The following NMNAT3 variants were observed in gnomAD, a reference collection of about 807,000 sequenced individuals.
NMNAT3 encodes the protein nicotinamide/nicotinic acid mononucleotide adenylyltransferase 3.
NMNAT3 carries 21 observed loss-of-function variants against 24.8 expected under a neutral mutation model. That is an observed-to-expected ratio of 0.85 (90% CI 0.60 to 1.22). The LOEUF (loss-of-function observed/expected upper bound fraction) is 1.22. NMNAT3 is among the 50% of genes most tolerant of loss of function. The pLI, the probability that NMNAT3 is intolerant of heterozygous loss-of-function variation, is 0.00. For synonymous variants in NMNAT3, 136 were observed against 155.2 expected (o/e 0.88, Z 0.92); for missense variants, 387 against 436.6 (o/e 0.89, Z 1.01).
At chr3:139,598,707 C>T (rs2054584217) in intron 3 of NMNAT3, among the ~76,000 whole-genome samples, 1 of 152,150 alleles carries the variant, frequency 6.6e-6, no homozygotes, top group Admixed American at 6.5e-5. Flanking sequence ...GGTCAATTTA[C>T]ACCAGTAAGT....
At chr3:139,572,138 G>C (rs956928205) in intron 6 of NMNAT3, 8 of 398,668 alleles carry the variant, frequency 2.0e-5, no homozygotes, top group Non-Finnish European at 3.1e-5. Flanking sequence ...AGCTTGAGGT[G>C]GGGGCTGGGG....
chr3:139,590,147 T>C, intron 3 of NMNAT3, among the ~76,000 whole-genome samples: 1 of 152,192 alleles, frequency 6.6e-6, no homozygotes, highest in East Asian at 1.9e-4. Context: ...TTGTCTGTAC[T>C]AAGAAGAGTT....
chr3:139,595,905 G>A (rs1466760285), intron 3 of NMNAT3, among the ~76,000 whole-genome samples: 1 of 152,166 alleles, frequency 6.6e-6, no homozygotes, highest in Non-Finnish European at 1.5e-5. Flanking sequence ...GCATGGGCAA[G>A]GACTTCATGT....
chr3:139,621,283 G>A (rs2055759981), intron 3 of NMNAT3, among the ~76,000 whole-genome samples: 3 of 152,184 alleles, frequency 2.0e-5, no homozygotes. Context: ...ATGCTATTGA[G>A]CATCTTTCCA....
At chr3:139,640,236 TC>T (rs1392942843) in intron 1 of NMNAT3, among the ~76,000 whole-genome samples, 1 of 152,146 alleles carries the variant, frequency 6.6e-6, no homozygotes, top group Non-Finnish European at 1.5e-5. Flanking sequence ...GGGGCTAGTG[TC>T]CCAGTGTCTG....
Position 139,669,427 on chromosome 3 carries a change from A to G in NMNAT3, c.-141+8278T>C, listed in dbSNP as rs549442968. Reference sequence around the variant, plus strand: ...GAGGCGGAGGTTGAAGTGAGTGCCAAGATCATGCCACTGCATTCCAGCCTG... The same window carrying G: ...GAGGCGGAGGTTGAAGTGAGTGCCAGGATCATGCCACTGCATTCCAGCCTG... On this transcript the variant is annotated intron_variant, in intron 1 of 6. Coordinates refer to ENST00000643695, the MANE Select transcript of NMNAT3 (RefSeq NM_001320510.2). Among the ~76,000 whole-genome samples, 22 of 149,014 alleles carry G rather than the reference A, an allele frequency of 1.5e-4. No individual in the cohort carries two copies. The South Asian group carries it at 4.8e-3, about 33-fold the overall frequency.
chr3:139,655,334 G>A (rs968631921), intron 1 of NMNAT3, among the ~76,000 whole-genome samples: 2 of 152,146 alleles, frequency 1.3e-5, no homozygotes, highest in African/African-American at 2.4e-5. Flanking sequence ...ATTACCTGAG[G>A]GTCCCCTGAA....
intron 1 of NMNAT3, among the ~76,000 whole-genome samples, chr3:139,654,316 C>T (rs1427955550): frequency 6.6e-6 from 1 of 152,212 alleles, no homozygotes; most frequent in Admixed American, 6.5e-5. Flanking sequence ...AAAAACTAAG[C>T]CACTGGCAGA....
chr3:139,646,233 G>A (rs1442681558), intron 1 of NMNAT3, among the ~76,000 whole-genome samples: 1 of 152,200 alleles, frequency 6.6e-6, no homozygotes, highest in Non-Finnish European at 1.5e-5. Flanking sequence ...GCACCACTAT[G>A]TTTCCTTTAC....
At chr3:139,590,440 A>G (rs2054112912) in intron 3 of NMNAT3, among the ~76,000 whole-genome samples, 1 of 152,086 alleles carries the variant, frequency 6.6e-6, no homozygotes, top group Non-Finnish European at 1.5e-5. Context: ...TGAAATCTTC[A>G]TTTTTCCTGA....
chr3:139,650,969 AACC>A (rs1300701764), intron 1 of NMNAT3, among the ~76,000 whole-genome samples: 1 of 152,206 alleles, frequency 6.6e-6, no homozygotes, highest in Non-Finnish European at 1.5e-5. Context: ...AATCAAAGAA[AACC>A]ACCACATCAT....
intron 5 of NMNAT3, among the ~76,000 whole-genome samples, chr3:139,574,286 A>G (rs1938942271): frequency 6.6e-6 from 1 of 152,200 alleles, no homozygotes; most frequent in South Asian, 2.1e-4. Context: ...TGGCTGTGTG[A>G]CCCTGGGTGG....
chr3:139,577,284 C>T (rs1576547182), intron 5 of NMNAT3, among the ~76,000 whole-genome samples: 1 of 152,150 alleles, frequency 6.6e-6, no homozygotes, highest in East Asian at 1.9e-4. Flanking sequence ...TATGGGCCAG[C>T]ATTAGGGATT....
In NMNAT3 at chr3:139,560,592, A is replaced by G. The variant is rs1170075095; in HGVS notation, c.*418T>C. 5.9e-6 allele frequency: 1 copy of G among 170,614 alleles called. No individual in the cohort carries two copies. The highest frequency in any genetic ancestry group is 1.3e-5 in the Non-Finnish European group (1 of 79,546). 10.6% of individuals were successfully genotyped at this position (170,614 alleles called of 1,614,324 possible). A position where few individuals can be genotyped will look rare whatever the true frequency, so the allele number is the denominator to read the frequency against. ...GCATCCTGTCAAATCTTTCCAATCA[A>G]GACTAGCATGCTGCACCTGGTCCTA... On this transcript the variant is annotated 3_prime_UTR_variant, in exon 7 of 7. Transcript: ENST00000643695.
chr3:139,568,351 G>T (rs1385913023), intron 6 of NMNAT3: 1 of 152,044 alleles, frequency 6.6e-6, no homozygotes, highest in Non-Finnish European at 1.5e-5. Flanking sequence ...CTTCAGTTCT[G>T]CTCTGATTTT....
At chr3:139,596,952 ATATATATATATAT>A (rs2054505433) in intron 3 of NMNAT3, among the ~76,000 whole-genome samples, 1 of 83,362 alleles carries the variant, frequency 1.2e-5, no homozygotes, top group African/African-American at 6.4e-5. Flanking sequence ...ATATATATAT[ATATATATATATAT>A]TTTTATTACA....
At chr3:139,566,821 G>A (rs1219462378) in intron 6 of NMNAT3, 1 of 152,134 alleles carries the variant, frequency 6.6e-6, no homozygotes, top group Non-Finnish European at 1.5e-5. Flanking sequence ...TGTTCTTTTG[G>A]CTTAGGATTG....
chr3:139,602,051 T>C (rs1402345047), intron 3 of NMNAT3, among the ~76,000 whole-genome samples: 2 of 152,198 alleles, frequency 1.3e-5, no homozygotes, highest in Admixed American at 6.5e-5. Context: ...TCATGGTAAT[T>C]TACACTCAAG....
chr3:139,572,942 C>T (rs780032700), intron 6 of NMNAT3, among the ~76,000 whole-genome samples: 10 of 152,118 alleles, frequency 6.6e-5, no homozygotes, highest in Non-Finnish European at 1.3e-4. Flanking sequence ...TGCAGATGAC[C>T]TGCTGGAATC....
Sources: gnomAD v4.1 joint callset for allele counts (sites outside exome capture counted in the v4.1 genomes callset) on GRCh38, gnomAD v4.1.1 for gene constraint, MANE v1.5 for transcripts, NCBI Gene and HGNC (gene_info 2026-07-23, HGNC 2026-07-21) for gene names.